Variants in USP25 observed in about 807,000 individuals in gnomAD.
USP25 encodes the protein ubiquitin carboxyl-terminal hydrolase 25.
In USP25, 85 loss-of-function variants were observed where a neutral mutation model predicts 158.5. The ratio of observed to expected loss-of-function variants is 0.54; its 90% CI spans 0.45 to 0.64. USP25 has a LOEUF of 0.64. Ranked by LOEUF, USP25 falls within the 30% of genes least tolerant of loss-of-function variation. USP25 has a pLI of 0.00. For synonymous variants in USP25, 464 were observed against 460.4 expected, an observed-to-expected ratio of 1.01 and a Z score of -0.10; for missense variants, 1,242 against 1,327.3, an observed-to-expected ratio of 0.94 and a Z score of 1.00.
intron 4 of USP25, among the ~76,000 whole-genome samples, chr21:15,788,863 T>G (rs2035438873): frequency 1.3e-5 from 2 of 152,098 alleles, no homozygotes; most frequent in South Asian, 4.1e-4. Context: ...TTTTTAAATC[T>G]TAGGTGACTT....
rs2040197040 is a variant in USP25, at chr21:15,878,827, T to G, written c.*352T>G. On this transcript the variant is annotated 3_prime_UTR_variant, in exon 26 of 26. Transcript: ENST00000400183. ...TGGATCCTTCCATGACTACAGCCAT[T>G]TAAGTGTTCAGCACTGTGTACGATA... The G allele has an allele frequency of 1.0e-5, 2 of 195,242 alleles. No individual in the cohort carries two copies. Among genetic ancestry groups the G allele is most frequent in the African/African-American group, 4.7e-5 (2 of 42,530 alleles). The allele number at this position is 195,242 out of a possible 1,614,324, so 12.1% of individuals were successfully genotyped here.
chr21:15,798,680 T>A (rs980678459), intron 5 of USP25, among the ~76,000 whole-genome samples: 2 of 151,366 alleles, frequency 1.3e-5, no homozygotes, highest in African/African-American at 4.8e-5. Flanking sequence ...GTGCTTATAT[T>A]GTTGAATAAA....
intron 1 of USP25, among the ~76,000 whole-genome samples, chr21:15,739,124 C>T (rs1444544634): frequency 1.3e-5 from 2 of 152,172 alleles, no homozygotes; most frequent in Admixed American, 6.5e-5. Flanking sequence ...GCGGCTCGTC[C>T]TGCTACATCA....
chr21:15,826,013 T>A lies in USP25; in HGVS notation c.1305-191T>A, dbSNP rs557738155. Among the ~76,000 whole-genome samples the A allele has an allele frequency of 6.6e-6, 1 of 152,300 alleles. No individual in the cohort carries two copies. Among genetic ancestry groups the A allele is most frequent in the Non-Finnish European group, 1.5e-5 (1 of 68,022 alleles). Reference sequence around the variant, plus strand: ...CATTCAGTCCCAATCGGCCTTGGTTTCCTGTCTTTGGGGAACTTTTAATGT... The same window carrying A: ...CATTCAGTCCCAATCGGCCTTGGTTACCTGTCTTTGGGGAACTTTTAATGT... On this transcript the variant is annotated intron_variant, in intron 12 of 25. Transcript: ENST00000400183. This position sits in a 1 kb window ranked among gnomAD's most constrained non-coding sequence, Gnocchi z 4.8.
In USP25 at chr21:15,791,633, G is replaced by A; in HGVS notation, c.524G>A (p.Gly175Asp). 1.2e-6 allele frequency: 2 copies of A among 1,610,586 alleles called. No homozygotes were observed. The highest frequency in any genetic ancestry group is 1.7e-6 in the Non-Finnish European group (2 of 1,177,916). Residue 175 changes from glycine (G) to aspartate (D), a missense_variant, in exon 5 of 26, where the codon GGC (glycine) becomes GAC (aspartate). By Grantham distance (94) the Gly-to-Asp change is moderately conservative. Around this residue, in one of 3 missense-constraint regions of USP25, gnomAD observed 627 missense variants for 701.4 expected, o/e 0.89. Coordinates refer to ENST00000400183, the MANE Select transcript of USP25 (RefSeq NM_001283041.3). ...DKAPVGLKNV[G>D]NTCWFSAVIQ... is the part of the protein sequence containing the mutation. ...GCTCCCGTTGGGCTAAAGAATGTTGGCAATACTTGTTGGTTTAGTGCTGTT... is the reference window on the plus strand; with the variant it reads ...GCTCCCGTTGGGCTAAAGAATGTTGACAATACTTGTTGGTTTAGTGCTGTT...
intron 19 of USP25, among the ~76,000 whole-genome samples, chr21:15,849,019 A>G (rs996036754): frequency 6.6e-6 from 1 of 152,150 alleles, no homozygotes; most frequent in Non-Finnish European, 1.5e-5. Flanking sequence ...ATTTGTACTT[A>G]ATGGCTCTAC....
At position 15,778,015 on chromosome 21, in the gene USP25, A is replaced by ATG; in HGVS notation, c.380_381insTG (p.Gln127HisfsTer12). The ATG allele has an allele frequency of 6.2e-7, 1 of 1,604,892 alleles. No homozygotes were observed. The highest frequency in any genetic ancestry group is 8.5e-7 in the Non-Finnish European group (1 of 1,177,306). On this transcript the variant is annotated frameshift_variant, in exon 4 of 26. Transcript: ENST00000400183. LOFTEE classifies it high-confidence loss of function. ...GAGACTGGAATAACTGATGAGGAACAAGCCATTAGCAGGTAAAAACATAAT... is the reference window on the plus strand; with the variant it reads ...GAGACTGGAATAACTGATGAGGAACATGAGCCATTAGCAGGTAAAAACATAAT...
At position 15,825,074 on chromosome 21, in the gene USP25, T is replaced by C. The variant is rs1430708138; in HGVS notation, c.1304+13T>C. Reference sequence around the variant, plus strand: ...AAAGGCTAGAAAGGTATTTTAACTTTTATGAAATTAGGAGATAATTATCAG... The same window carrying C: ...AAAGGCTAGAAAGGTATTTTAACTTCTATGAAATTAGGAGATAATTATCAG... On this transcript the variant is annotated intron_variant, in intron 12 of 25. Transcript: ENST00000400183. 4 of 1,561,714 alleles carry C rather than the reference T, an allele frequency of 2.6e-6. No individual in the cohort carries two copies. The South Asian group carries it at 4.7e-5, about 18-fold the overall frequency.
chr21:15,846,797 ATAAG>A (rs928364740), intron 18 of USP25, among the ~76,000 whole-genome samples: 1 of 152,172 alleles, frequency 6.6e-6, no homozygotes, highest in African/African-American at 2.4e-5. Context: ...AATAAGATAA[ATAAG>A]TATGTAAACA....
intron 8 of USP25, among the ~76,000 whole-genome samples, chr21:15,810,877 G>A (rs2036623833): frequency 6.6e-6 from 1 of 152,192 alleles, no homozygotes; most frequent in South Asian, 2.1e-4. Context: ...TCTCTTCCAA[G>A]TTCATACACG....
chr21:15,824,867 T>C (rs1312595529), intron 11 of USP25, 99 bp from the exon 12 acceptor site: 11 of 905,604 alleles, frequency 1.2e-5, no homozygotes, highest in Non-Finnish European at 1.9e-5. Flanking sequence ...CCTCCCGCCT[T>C]GGCGTCCCAG....
intron 1 of USP25, among the ~76,000 whole-genome samples, chr21:15,757,708 C>T (rs2033468949): frequency 6.6e-6 from 1 of 152,178 alleles, no homozygotes; most frequent in Non-Finnish European, 1.5e-5. Context: ...ACTGGGCTAG[C>T]CCAGCGATGC....
intron 14 of USP25, 53 bp downstream of exon 14, chr21:15,827,256 T>C: frequency 7.3e-7 from 1 of 1,375,952 alleles, no homozygotes; most frequent in Non-Finnish European, 1.0e-6. Context: ...ATATGTGTAA[T>C]GTTAATATTG....
chr21:15,823,311 A>C (rs1382750119), intron 10 of USP25, among the ~76,000 whole-genome samples: 2 of 151,448 alleles, frequency 1.3e-5, no homozygotes, highest in Admixed American at 6.6e-5. Flanking sequence ...AAAATGTTGA[A>C]TTTCATGCTT....
chr21:15,836,246 TCTA>T (rs1210149774), intron 17 of USP25, among the ~76,000 whole-genome samples: 1 of 152,194 alleles, frequency 6.6e-6, no homozygotes, highest in Non-Finnish European at 1.5e-5. Flanking sequence ...AAATTCAATT[TCTA>T]CTGAGTGATA....
Position 15,768,911 on chromosome 21 carries a change from G to T in USP25, c.268+2770G>T, listed in dbSNP as rs541776117. The stretch of plus-strand genomic sequence containing the variant: ...CATGCTAACTTTAAGTGATACACTT[G>T]GTTGCAGTGCTGACAAAACGTCTGT... On this transcript the variant is annotated intron_variant, in intron 3 of 25. Transcript: ENST00000400183. Among the ~76,000 whole-genome samples the T allele has an allele frequency of 1.3e-3, 193 of 152,126 alleles. 1 individual carries two copies. Among genetic ancestry groups the T allele is most frequent in the African/African-American group, 4.6e-3 (189 of 41,536 alleles).
At chr21:15,851,023 A>AT (rs1383343650) in intron 20 of USP25, among the ~76,000 whole-genome samples, 1 of 151,812 alleles carries the variant, frequency 6.6e-6, no homozygotes, top group African/African-American at 2.4e-5. Flanking sequence ...GTTTTAATAC[A>AT]TTTCTTTATA....
intron 5 of USP25, among the ~76,000 whole-genome samples, chr21:15,799,227 T>A (rs2036011310): frequency 6.6e-6 from 1 of 151,296 alleles, no homozygotes; most frequent in African/African-American, 2.4e-5. Flanking sequence ...TAGATTCTTG[T>A]GTAATTATTA....
chr21:15,823,942 A>G, intron 10 of USP25, 97 bp from the exon 11 acceptor site: 1 of 1,229,120 alleles, frequency 8.1e-7, no homozygotes, highest in Non-Finnish European at 1.1e-6. Flanking sequence ...GTGGTGATAC[A>G]TATAACAATG....
Sources: allele counts gnomAD v4.1 joint callset (sites outside exome capture counted in the v4.1 genomes callset), GRCh38; gene constraint gnomAD v4.1.1; regional missense constraint gnomAD v4.1.1; non-coding constraint Gnocchi (gnomAD v3.1); transcripts MANE v1.5; gene names NCBI Gene and HGNC (gene_info 2026-07-23, HGNC 2026-07-21).